The following CTNNB1 variants were observed in gnomAD, a reference collection of about 807,000 sequenced individuals.
CTNNB1 encodes the protein catenin beta-1.
CTNNB1 carries 6 observed loss-of-function variants against 82.5 expected under a neutral mutation model. The observed-to-expected ratio is 0.07, with a 90% CI of 0.04 to 0.14. CTNNB1 has a LOEUF of 0.14. Among genes scored for constraint, CTNNB1 ranks in the 10% least tolerant of loss-of-function variants. The pLI, the probability that CTNNB1 is intolerant of heterozygous loss-of-function variation, is 1.00. For missense variants in CTNNB1, 529 were observed against 980.4 expected, an observed-to-expected ratio of 0.54 and a Z score of 6.15; for synonymous variants, 312 against 329.7, an observed-to-expected ratio of 0.95 and a Z score of 0.58.
intron 1 of CTNNB1, among the ~76,000 whole-genome samples, chr3:41,202,251 T>G (rs3915129): frequency 0.4 from 61,155 of 152,016 alleles, 12,642 homozygotes; most frequent in Non-Finnish European, 0.46. Flanking sequence ...TTTCCTAGCT[T>G]CTGATAATCA....
At chr3:41,232,232 C>T (rs781019368) in intron 7 of CTNNB1, among the ~76,000 whole-genome samples, 31 of 151,924 alleles carry the variant, frequency 2.0e-4, no homozygotes, top group Non-Finnish European at 3.7e-4. Context: ...AATCCATTCT[C>T]TTAGAGTTAA....
At chr3:41,208,240 T>C (rs1252776585) in intron 1 of CTNNB1, among the ~76,000 whole-genome samples, 1 of 152,202 alleles carries the variant, frequency 6.6e-6, no homozygotes, top group Non-Finnish European at 1.5e-5. Context: ...AAGTTTACTG[T>C]TTAGCTTACT....
chr3:41,239,121 C>T lies in CTNNB1; in HGVS notation c.2138-13C>T, dbSNP rs1410974534. The T allele has an allele frequency of 1.9e-6, 3 of 1,611,852 alleles. No individual in the cohort carries two copies. The highest frequency in any genetic ancestry group is 2.5e-6 in the Non-Finnish European group (3 of 1,178,348). On this transcript the variant is annotated splice_polypyrimidine_tract_variant and intron_variant, in intron 14 of 14. Transcript: ENST00000349496. ...CCTTCTTGCCTATTTTGTTGACACC[C>T]TGACTCTTCTAGATCCTAGCTATCG...
intron 3 of CTNNB1, 95 bp from the exon 4 acceptor site, chr3:41,224,859 A>G: frequency 6.2e-7 from 1 of 1,600,984 alleles, no homozygotes; most frequent in South Asian, 1.1e-5. Flanking sequence ...TGAAGAAAAG[A>G]GAGTAATAGC....
At chr3:41,209,897 A>G (rs1244287533) in intron 1 of CTNNB1, among the ~76,000 whole-genome samples, 1 of 152,192 alleles carries the variant, frequency 6.6e-6, no homozygotes, top group South Asian at 2.1e-4. Context: ...ATCACTGTAC[A>G]CTACTGTAGA....
chr3:41,228,393 CTTT>C (rs1487542172), intron 7 of CTNNB1, among the ~76,000 whole-genome samples: 1 of 152,138 alleles, frequency 6.6e-6, no homozygotes, highest in African/African-American at 2.4e-5. Flanking sequence ...CATTTTTTGA[CTTT>C]TTATTAGTAG....
intron 7 of CTNNB1, 44 bp downstream of exon 7, chr3:41,227,396 A>G (rs936946422): frequency 6.3e-7 from 1 of 1,596,202 alleles, no homozygotes; most frequent in African/African-American, 1.3e-5. Context: ...TAGCATCTGC[A>G]GTTCTAATTA....
At chr3:41,234,508 T>A in intron 10 of CTNNB1, 1 of 594,978 alleles carries the variant, frequency 1.7e-6, no homozygotes, top group Non-Finnish European at 3.0e-6. Context: ...GGACACGTCC[T>A]TCACATGGTC....
chr3:41,225,788 A>C lies in CTNNB1; in HGVS notation c.863A>C (p.Lys288Thr). The C allele has an allele frequency of 6.2e-7, 1 of 1,614,166 alleles. No homozygotes were observed. Among genetic ancestry groups the C allele is most frequent in the Non-Finnish European group, 8.5e-7 (1 of 1,180,006 alleles). Residue 288 changes from lysine to threonine, a missense_variant, in exon 6 of 15, where the codon AAA becomes ACA. Transcript: ENST00000349496. This position sits in a 1 kb window ranked among gnomAD's most constrained non-coding sequence, Gnocchi z 5.3. ...CAGAAAATGGTTGCCTTGCTCAACA[A>C]AACAAATGTTAAATTCTTGGCTATT... ...GLQKMVALLN[K>T]TNVKFLAITT...
intron 1 of CTNNB1, among the ~76,000 whole-genome samples, chr3:41,217,883 A>G (rs1000800148): frequency 6.6e-6 from 1 of 152,058 alleles, no homozygotes; most frequent in African/African-American, 2.4e-5. Context: ...TTTGTGTACT[A>G]TGGATATTAG....
intron 1 of CTNNB1, among the ~76,000 whole-genome samples, chr3:41,213,325 A>G (rs1431967987): frequency 6.6e-6 from 1 of 152,132 alleles, no homozygotes; most frequent in Non-Finnish European, 1.5e-5. Flanking sequence ...TTCAGGTCTC[A>G]GCTTACATGT....
intron 1 of CTNNB1, among the ~76,000 whole-genome samples, chr3:41,222,565 T>C (rs1390810396): frequency 6.6e-6 from 1 of 152,252 alleles, no homozygotes; most frequent in African/African-American, 2.4e-5. Context: ...ATTTGGAACA[T>C]GAACTTGCTT....
Position 41,234,280 on chromosome 3 carries a change from A to G in CTNNB1, c.1666A>G (p.Thr556Ala), listed in dbSNP as rs1266504473. 1.2e-6 allele frequency: 2 copies of G among 1,614,096 alleles called. No homozygotes were observed. Among genetic ancestry groups the G allele is most frequent in the Non-Finnish European group, 1.7e-6 (2 of 1,180,044 alleles). Reference sequence around the variant, plus strand: ...CCAGCGCCGTACGTCCATGGGTGGGACACAGCAGCAATTTGTGGTAGGTAA... The same window carrying G: ...CCAGCGCCGTACGTCCATGGGTGGGGCACAGCAGCAATTTGTGGTAGGTAA... ...DTQRRTSMGG[T>A]QQQFVEGVRM... is the part of the protein sequence containing the mutation. The change falls in exon 10 of 15, where the codon ACA becomes GCA. Residue 556 changes from threonine (T) to alanine (A), a missense_variant. Physicochemically the swap from Thr to Ala is moderately conservative, Grantham distance 58. Around this residue, in one of 4 missense-constraint regions of CTNNB1, gnomAD observed 411 missense variants for 776.4 expected, o/e 0.53. Coordinates refer to ENST00000349496, the MANE Select transcript of CTNNB1 (RefSeq NM_001904.4).
chr3:41,203,859 T>C (rs544793025), intron 1 of CTNNB1, among the ~76,000 whole-genome samples: 1 of 152,336 alleles, frequency 6.6e-6, no homozygotes, highest in African/African-American at 2.4e-5. Flanking sequence ...GAATGAAGCT[T>C]ATTCTAAATT....
At chr3:41,222,341 A>T (rs2078069234) in intron 1 of CTNNB1, 1 of 152,248 alleles carries the variant, frequency 6.6e-6, no homozygotes, top group Non-Finnish European at 1.5e-5. Context: ...CAGAGCAGGT[A>T]CAAGGTGAGT....
intron 1 of CTNNB1, among the ~76,000 whole-genome samples, chr3:41,206,409 A>G (rs560322906): frequency 1.2e-4 from 19 of 152,254 alleles, no homozygotes; most frequent in African/African-American, 4.6e-4. Context: ...AAATAGATAT[A>G]TGCATATATA....
At chr3:41,211,326 T>G (rs1220327518) in intron 1 of CTNNB1, among the ~76,000 whole-genome samples, 1 of 152,206 alleles carries the variant, frequency 6.6e-6, no homozygotes, top group Non-Finnish European at 1.5e-5. Context: ...TATCCAAAAA[T>G]ATTAATCATT....
chr3:41,204,638 T>C (rs1215000284), intron 1 of CTNNB1, among the ~76,000 whole-genome samples: 1 of 152,242 alleles, frequency 6.6e-6, no homozygotes, highest in East Asian at 1.9e-4. Flanking sequence ...GATCATCTGA[T>C]TTCTTTCCCC....
intron 1 of CTNNB1, among the ~76,000 whole-genome samples, chr3:41,222,854 T>A (rs1323606791): frequency 6.6e-6 from 1 of 152,166 alleles, no homozygotes; most frequent in African/African-American, 2.4e-5. Flanking sequence ...TTTGCAGAAA[T>A]ACATTGGAGG....
Sources: allele counts gnomAD v4.1 joint callset (sites outside exome capture counted in the v4.1 genomes callset), GRCh38; gene constraint gnomAD v4.1.1; regional missense constraint gnomAD v4.1.1; non-coding constraint Gnocchi (gnomAD v3.1); transcripts MANE v1.5; gene names NCBI Gene and HGNC (gene_info 2026-07-23, HGNC 2026-07-21).